Variants in MAP3K20 observed in about 807,000 individuals in gnomAD.
MAP3K20 encodes the protein mitogen-activated protein kinase kinase kinase 20.
In MAP3K20, 40 loss-of-function variants were observed where a neutral mutation model predicts 85.7. The ratio of observed to expected loss-of-function variants is 0.47; its 90% CI spans 0.36 to 0.61. The LOEUF (loss-of-function observed/expected upper bound fraction) is 0.61. MAP3K20 is among the 20% of genes least tolerant of loss of function. The probability of loss-of-function intolerance (pLI) is 0.00; values close to 1 mark genes in which losing one functional copy is unlikely to be tolerated. For synonymous variants in MAP3K20, 325 were observed against 327.7 expected (o/e 0.99, Z 0.09); for missense variants, 817 against 961.7 (o/e 0.85, Z 1.99).
At chr2:173,188,795 A>G (rs1690567521) in intron 5 of MAP3K20, among the ~76,000 whole-genome samples, 1 of 152,178 alleles carries the variant, frequency 6.6e-6, no homozygotes, top group African/African-American at 2.4e-5. Flanking sequence ...CTTTTGATAT[A>G]TGGTCAGCTA....
At chr2:173,255,600 G>A (rs1458873590) in intron 16 of MAP3K20, among the ~76,000 whole-genome samples, 2 of 152,190 alleles carry the variant, frequency 1.3e-5, no homozygotes, top group African/African-American at 4.8e-5. Context: ...CCTCCTGTCA[G>A]CCGCTTCTTC....
chr2:173,097,146 C>T (rs577313083), intron 2 of MAP3K20, among the ~76,000 whole-genome samples: 2 of 152,244 alleles, frequency 1.3e-5, no homozygotes, highest in Admixed American at 1.3e-4. Flanking sequence ...TTTGGGAGGC[C>T]GAGGCGGGCG....
chr2:173,223,216 G>T, intron 11 of MAP3K20: 2 of 985,402 alleles, frequency 2.0e-6, no homozygotes, highest in Non-Finnish European at 1.2e-6. Flanking sequence ...AGTCTAGGTG[G>T]CATAGTGATG....
At chr2:173,194,661 T>C (rs1474156872) in intron 7 of MAP3K20, among the ~76,000 whole-genome samples, 2 of 152,082 alleles carry the variant, frequency 1.3e-5, no homozygotes, top group Non-Finnish European at 2.9e-5. Flanking sequence ...GGAGCATTTA[T>C]TTGCATTAAA....
chr2:173,183,419 C>T (rs781243456), intron 4 of MAP3K20, among the ~76,000 whole-genome samples: 36 of 152,066 alleles, frequency 2.4e-4, no homozygotes, highest in Non-Finnish European at 5.0e-4. Flanking sequence ...TTTGTCCTGC[C>T]ATGTAAAAGC....
In MAP3K20 at chr2:173,176,509, A is replaced by G. The variant is rs188854957; in HGVS notation, c.248-6345A>G. ...AACTGAGGTAGACTGTGCTAAATTAAGATACATTTTATGATCCCTTGAACT... is the reference window on the plus strand; with the variant it reads ...AACTGAGGTAGACTGTGCTAAATTAGGATACATTTTATGATCCCTTGAACT... On this transcript the variant is annotated intron_variant, in intron 3 of 19. Coordinates refer to ENST00000375213, the MANE Select transcript of MAP3K20 (RefSeq NM_016653.3). 6.8e-4 allele frequency among the ~76,000 whole-genome samples: 104 copies of G among 152,262 alleles called. 1 individual carries two copies. Among genetic ancestry groups the G allele is most frequent in the Non-Finnish European group, 1.4e-3 (92 of 67,982 alleles).
At chr2:173,185,147 A>T (rs1052448781) in intron 4 of MAP3K20, among the ~76,000 whole-genome samples, 5 of 152,178 alleles carry the variant, frequency 3.3e-5, no homozygotes, top group African/African-American at 1.2e-4. Flanking sequence ...AGGCTAAGGC[A>T]GGAGAATCAC....
chr2:173,133,961 A>G (rs1192488666), intron 2 of MAP3K20, among the ~76,000 whole-genome samples: 2 of 149,736 alleles, frequency 1.3e-5, no homozygotes, highest in African/African-American at 4.9e-5. Context: ...ACTGCCCTCC[A>G]GCCTGGGTGA....
At chr2:173,232,889 T>A (rs1684555881) in intron 14 of MAP3K20, among the ~76,000 whole-genome samples, 1 of 152,192 alleles carries the variant, frequency 6.6e-6, no homozygotes, top group Non-Finnish European at 1.5e-5. Context: ...ATGCTGGTCA[T>A]TACTGTGCTG....
chr2:173,217,310 A>G (rs1684105007), intron 11 of MAP3K20, 60 bp downstream of exon 11: 2 of 1,370,888 alleles, frequency 1.5e-6, no homozygotes, highest in Non-Finnish European at 1.9e-6. Context: ...GCAGCTGAGC[A>G]TGGCAGCATG....
Position 173,266,707 on chromosome 2 carries a change from AAG to A in MAP3K20, c.2367_2368del (p.Arg789SerfsTer15). On this transcript the variant is annotated frameshift_variant, in exon 20 of 20. Transcript: ENST00000375213. LOFTEE classifies it high-confidence loss of function. Reference sequence around the variant, plus strand: ...AGGCCATCTCCCGCCAAAACCAATAAAGAGAGAGCCAGAGGGGACCACCGTGG... The same window carrying A: ...AGGCCATCTCCCGCCAAAACCAATAAAGAGAGCCAGAGGGGACCACCGTGG... 6.3e-7 allele frequency: 1 copy of A among 1,588,456 alleles called. No homozygotes were observed. The highest frequency in any genetic ancestry group is 1.4e-5 in the African/African-American group (1 of 73,936).
chr2:173,128,271 A>G (rs1688501350), intron 2 of MAP3K20, among the ~76,000 whole-genome samples: 1 of 152,084 alleles, frequency 6.6e-6, no homozygotes, highest in Admixed American at 6.6e-5. Context: ...GCATCTGTAA[A>G]AGATCCAATC....
At chr2:173,144,376 T>C (rs181718519) in intron 2 of MAP3K20, among the ~76,000 whole-genome samples, 2 of 141,404 alleles carry the variant, frequency 1.4e-5, no homozygotes, top group East Asian at 2.1e-4. Flanking sequence ...GGCAGGAGAA[T>C]GGTGTGAACC....
At chr2:173,130,019 T>G (rs1688562612) in intron 2 of MAP3K20, among the ~76,000 whole-genome samples, 1 of 152,194 alleles carries the variant, frequency 6.6e-6, no homozygotes, top group Non-Finnish European at 1.5e-5. Flanking sequence ...TGAGGCAACA[T>G]AAGTTGATAT....
At chr2:173,178,064 G>C (rs1035396035) in intron 3 of MAP3K20, among the ~76,000 whole-genome samples, 1 of 151,896 alleles carries the variant, frequency 6.6e-6, no homozygotes, top group African/African-American at 2.4e-5. Context: ...AAGACTAAAG[G>C]ATTTATTAAT....
chr2:173,114,334 A>T (rs1179187953), intron 2 of MAP3K20, among the ~76,000 whole-genome samples: 1 of 152,160 alleles, frequency 6.6e-6, no homozygotes, highest in Non-Finnish European at 1.5e-5. Flanking sequence ...GTTCTTATCC[A>T]TTCTGCAGTT....
chr2:173,087,000 T>G (rs1202052649), intron 1 of MAP3K20, among the ~76,000 whole-genome samples: 2 of 152,228 alleles, frequency 1.3e-5, no homozygotes, highest in African/African-American at 4.8e-5. Context: ...TTACACACCT[T>G]AAGTTTTACA....
chr2:173,256,757 A>T lies in MAP3K20; in HGVS notation c.1360-1942A>T, dbSNP rs1453448060. 2.6e-5 allele frequency among the ~76,000 whole-genome samples: 4 copies of T among 152,230 alleles called. No individual in the cohort carries two copies. The East Asian group carries it at 7.7e-4, about 29-fold the overall frequency. ...TCACATATACTTGGCTTATCCATCT[A>T]CCCCTCCCTCTAGCCATCCATCAAT... On this transcript the variant is annotated intron_variant, in intron 16 of 19. Transcript: ENST00000375213.
Position 173,081,117 on chromosome 2 carries a change from A to G in MAP3K20, c.-35+5115A>G, listed in dbSNP as rs191709494. On this transcript the variant is annotated intron_variant, in intron 1 of 19. Coordinates refer to ENST00000375213, the MANE Select transcript of MAP3K20 (RefSeq NM_016653.3). ...TCTTAAAAATTTATGTGGATTTTGC[A>G]TTCTCTTCTGTCCTACACTGTTTTA... is the stretch of plus-strand genomic sequence containing the variant. Among the ~76,000 whole-genome samples the G allele has an allele frequency of 1.6e-4, 25 of 152,194 alleles. No individual in the cohort carries two copies. The East Asian group carries it at 4.4e-3, about 27-fold the overall frequency.
Sources: gnomAD v4.1 joint callset for allele counts (sites outside exome capture counted in the v4.1 genomes callset) on GRCh38, gnomAD v4.1.1 for gene constraint, MANE v1.5 for transcripts, NCBI Gene and HGNC (gene_info 2026-07-23, HGNC 2026-07-21) for gene names.